ACTR3B: variants seen among roughly 807,000 people sequenced by gnomAD.
ACTR3B encodes actin related protein 3B, also known as actin-related protein 3B.
A neutral mutation model predicts 59.0 loss-of-function variants in ACTR3B; 8 were observed. The ratio of observed to expected loss-of-function variants is 0.14; its 90% CI spans 0.08 to 0.24. The LOEUF (loss-of-function observed/expected upper bound fraction) is 0.24, where lower values mean the gene tolerates loss of function less well. Among genes scored for constraint, ACTR3B ranks in the 10% least tolerant of loss-of-function variants. ACTR3B has a pLI of 1.00. For missense variants in ACTR3B, 245 were observed against 552.3 expected (o/e 0.44, Z 5.58); for synonymous variants, 148 against 197.9 (o/e 0.75, Z 2.12).
intron 7 of ACTR3B, among the ~76,000 whole-genome samples, chr7:152,820,761 C>T (rs954110772): frequency 1.9e-4 from 29 of 152,258 alleles, no homozygotes; most frequent in African/African-American, 7.0e-4. Context: ...CATACTGCCT[C>T]CATGCTTCGC....
At chr7:152,768,258 G>A (rs554645073) in intron 1 of ACTR3B, among the ~76,000 whole-genome samples, 6 of 152,304 alleles carry the variant, frequency 3.9e-5, no homozygotes, top group Admixed American at 3.3e-4. Context: ...TGGCAAAAGA[G>A]ATTGTTTTAC....
Position 152,854,437 on chromosome 7 carries a change from T to C in ACTR3B, c.1162-21T>C, listed in dbSNP as rs535821057. The C allele has an allele frequency of 1.2e-6, 2 of 1,607,286 alleles. No homozygotes were observed. The highest frequency in any genetic ancestry group is 1.7e-5 in the Admixed American group (1 of 60,014). Reference sequence around the variant, plus strand: ...TTCTTCTGAAATGAGTGTCTTTCTGTCTGCCTGTTGCCTCTCGTAGCCCGA... The same window carrying C: ...TTCTTCTGAAATGAGTGTCTTTCTGCCTGCCTGTTGCCTCTCGTAGCCCGA... On this transcript the variant is annotated intron_variant, in intron 11 of 11. Coordinates refer to ENST00000256001, the MANE Select transcript of ACTR3B (RefSeq NM_020445.6). This position sits in a 1 kb window ranked among gnomAD's most constrained non-coding sequence, Gnocchi z 4.9.
chr7:152,800,665 C>A lies in ACTR3B; in HGVS notation c.225+10C>A. Reference sequence around the variant, plus strand: ...TACATATGCTACAAAGGTAAATTTCCGACAGGTGTTTGCTTCTCTAAGTGT... The same window carrying A: ...TACATATGCTACAAAGGTAAATTTCAGACAGGTGTTTGCTTCTCTAAGTGT... On this transcript the variant is annotated intron_variant, in intron 3 of 11. Coordinates refer to ENST00000256001, the MANE Select transcript of ACTR3B (RefSeq NM_020445.6). 2 of 1,612,350 alleles carry A rather than the reference C, an allele frequency of 1.2e-6. No individual in the cohort carries two copies. Among genetic ancestry groups the A allele is most frequent in the South Asian group, 1.1e-5 (1 of 90,746 alleles).
intron 9 of ACTR3B, among the ~76,000 whole-genome samples, chr7:152,825,685 A>C (rs1031179371): frequency 2.0e-5 from 3 of 152,188 alleles, no homozygotes; most frequent in African/African-American, 7.2e-5. Context: ...TAAGGTGGAC[A>C]GTTTTAGCCA....
chr7:152,767,045 C>G (rs1315194255), intron 1 of ACTR3B, among the ~76,000 whole-genome samples: 1 of 150,890 alleles, frequency 6.6e-6, no homozygotes, highest in Non-Finnish European at 1.5e-5. Flanking sequence ...GCCTCGGCCT[C>G]CCAAAGTGCT....
intron 4 of ACTR3B, chr7:152,810,982 C>T (rs1795187293): frequency 6.6e-6 from 1 of 151,860 alleles, no homozygotes; most frequent in South Asian, 2.1e-4. Context: ...AATGGAGACA[C>T]CTCTTTTTCA....
intron 9 of ACTR3B, among the ~76,000 whole-genome samples, chr7:152,834,880 T>G (rs542261108): frequency 7.0e-4 from 106 of 152,340 alleles, no homozygotes; most frequent in Non-Finnish European, 1.2e-3. Flanking sequence ...AGTTTTTGAA[T>G]GCGTTTGGAT....
At chr7:152,809,504 A>G (rs1018947188) in intron 4 of ACTR3B, among the ~76,000 whole-genome samples, 3 of 151,686 alleles carry the variant, frequency 2.0e-5, no homozygotes, top group African/African-American at 7.3e-5. Context: ...GTGTGTAGGC[A>G]TATGGGTTAG....
intron 9 of ACTR3B, among the ~76,000 whole-genome samples, chr7:152,837,545 G>C (rs192966942): frequency 9.2e-5 from 14 of 152,260 alleles, no homozygotes; most frequent in African/African-American, 2.9e-4. Context: ...GCTAAAGTTA[G>C]AGAAGGGGTA....
rs973928999 is a variant in ACTR3B at position 152,826,481 on chromosome 7, T to C, written c.951+1359T>C. ...AGGGTGTAAACAAATTACAGTTCAG[T>C]TTTTGCTGCATATTCTTAAACACTT... is the stretch of plus-strand genomic sequence containing the variant. On this transcript the variant is annotated intron_variant, in intron 9 of 11. Transcript: ENST00000256001. Among the ~76,000 whole-genome samples the C allele has an allele frequency of 4.5e-4, 68 of 152,258 alleles. 1 individual carries two copies. Among genetic ancestry groups the C allele is most frequent in the African/African-American group, 1.6e-3 (67 of 41,552 alleles).
At chr7:152,827,421 C>T (rs1796663559) in intron 9 of ACTR3B, among the ~76,000 whole-genome samples, 1 of 152,028 alleles carries the variant, frequency 6.6e-6, no homozygotes, top group Non-Finnish European at 1.5e-5. Context: ...TAGCTGAACT[C>T]TATACCCCGT....
intron 2 of ACTR3B, among the ~76,000 whole-genome samples, chr7:152,785,481 G>GTGAGAGAGAGAC (rs1554434197): frequency 7.3e-5 from 1 of 13,654 alleles, no homozygotes; most frequent in East Asian, 4.6e-3. Flanking sequence ...GAGGGAGAGA[G>GTGAGAGAGAGAC]AGAGAGAGAG....
At chr7:152,797,500 T>G (rs1369484370) in intron 2 of ACTR3B, among the ~76,000 whole-genome samples, 2 of 152,228 alleles carry the variant, frequency 1.3e-5, no homozygotes, top group Admixed American at 1.3e-4. Context: ...AATTAACAAA[T>G]GCATTACTTC....
chr7:152,763,917 CATT>C (rs1416226506), intron 1 of ACTR3B, among the ~76,000 whole-genome samples: 1 of 152,194 alleles, frequency 6.6e-6, no homozygotes, highest in African/African-American at 2.4e-5. Context: ...ATGCCGTCCT[CATT>C]GTTGTCAGTG....
intron 1 of ACTR3B, among the ~76,000 whole-genome samples, chr7:152,763,460 G>A (rs2098097216): frequency 6.8e-6 from 1 of 147,516 alleles, no homozygotes; most frequent in Admixed American, 6.8e-5. Context: ...ATCTTGTTCT[G>A]TTTCCTAGGC....
chr7:152,787,204 A>C (rs2098177587), intron 2 of ACTR3B, among the ~76,000 whole-genome samples: 1 of 152,192 alleles, frequency 6.6e-6, no homozygotes, highest in South Asian at 2.1e-4. Context: ...TGTGTGACTT[A>C]CATTTTGGTC....
At chr7:152,784,846 A>C (rs2098166391) in intron 2 of ACTR3B, among the ~76,000 whole-genome samples, 1 of 151,920 alleles carries the variant, frequency 6.6e-6, no homozygotes, top group Non-Finnish European at 1.5e-5. Flanking sequence ...TGGGGACCCC[A>C]CATTTACCCC....
chr7:152,842,974 G>A (rs1041734802), intron 9 of ACTR3B, among the ~76,000 whole-genome samples: 1 of 152,184 alleles, frequency 6.6e-6, no homozygotes. Context: ...CCTGTACTTA[G>A]TGGTCATTTG....
At chr7:152,851,101 A>G (rs1243280545) in intron 9 of ACTR3B, among the ~76,000 whole-genome samples, 2 of 152,226 alleles carry the variant, frequency 1.3e-5, no homozygotes, top group African/African-American at 4.8e-5. Context: ...CGAATCCTAT[A>G]TATACTGTGT....
Sources: allele counts gnomAD v4.1 joint callset (sites outside exome capture counted in the v4.1 genomes callset), GRCh38; gene constraint gnomAD v4.1.1; non-coding constraint Gnocchi (gnomAD v3.1); transcripts MANE v1.5; gene names NCBI Gene and HGNC (gene_info 2026-07-23, HGNC 2026-07-21).